ZW10: variants seen among roughly 807,000 people sequenced by gnomAD.
The protein encoded by ZW10 is centromere/kinetochore protein zw10 homolog.
ZW10 carries 53 observed loss-of-function variants against 87.8 expected under a neutral mutation model. That is an observed-to-expected ratio of 0.60 (90% confidence interval 0.48 to 0.76). The LOEUF (loss-of-function observed/expected upper bound fraction) is 0.76, where lower values mean the gene tolerates loss of function less well. Among genes scored for constraint, ZW10 ranks in the 30% least tolerant of loss-of-function variants. The pLI is 0.00. For missense variants in ZW10, 837 were observed against 923.0 expected (o/e 0.91, Z 1.21); for synonymous variants, 312 against 329.2 (o/e 0.95, Z 0.57).
chr11:113,748,188 G>A, intron 8 of ZW10, 69 bp downstream of exon 8: 1 of 1,420,692 alleles, frequency 7.0e-7, no homozygotes, highest in Non-Finnish European at 9.4e-7. Context: ...CTATCTCCAA[G>A]GAAAAACAAA....
At chr11:113,735,654 T>C (rs1317014126) in intron 15 of ZW10, among the ~76,000 whole-genome samples, 1 of 152,136 alleles carries the variant, frequency 6.6e-6, no homozygotes, top group Non-Finnish European at 1.5e-5. Flanking sequence ...ACCAATAATC[T>C]ACCAAGACAA....
At chr11:113,763,392 C>G (rs1396563581) in intron 2 of ZW10, among the ~76,000 whole-genome samples, 1 of 152,186 alleles carries the variant, frequency 6.6e-6, no homozygotes, top group African/African-American at 2.4e-5. Context: ...AGTAATGGGA[C>G]TGCTGGGTCA....
intron 10 of ZW10, 52 bp downstream of exon 10, chr11:113,743,750 G>C (rs1184192445): frequency 1.1e-5 from 15 of 1,320,280 alleles, no homozygotes; most frequent in African/African-American, 2.9e-5. Flanking sequence ...CATCTAGTTA[G>C]ATATGCATTT....
intron 15 of ZW10, 127 bp from the exon 16 acceptor site, chr11:113,733,941 TTTCCTC>T: frequency 1.7e-6 from 2 of 1,148,388 alleles, no homozygotes; most frequent in Non-Finnish European, 2.4e-6. Flanking sequence ...CCTGGGCATC[TTTCCTC>T]TTCTTTATAG....
In ZW10 at chr11:113,748,272, T is replaced by C. The variant is rs574474663; in HGVS notation, c.1074A>G (p.Leu358=). 3 of 1,612,544 alleles carry C rather than the reference T, an allele frequency of 1.9e-6. No homozygotes were observed. The African/African-American group carries it at 4.0e-5, about 22-fold the overall frequency. ...GGCTCTTTACCTCTTCATATTGCTG[T>C]AATTTGCTGCTATTTGTTGGAATCG... ...VYSIPTNSSK[L]QQYEEIIQST... The change falls in exon 8 of 16, where the codon TTA becomes TTG. Residue 358 remains leucine (L), a synonymous_variant. Transcript: ENST00000200135.
At chr11:113,734,918 G>A (rs1348781753) in intron 15 of ZW10, among the ~76,000 whole-genome samples, 1 of 152,092 alleles carries the variant, frequency 6.6e-6, no homozygotes, top group African/African-American at 2.4e-5. Context: ...TAAACTTTAT[G>A]TTATTTAGGA....
chr11:113,769,076 C>A, intron 1 of ZW10, 109 bp from the exon 2 acceptor site: 1 of 1,157,602 alleles, frequency 8.6e-7, no homozygotes. Context: ...ACCTTCTTGC[C>A]AATTGCCTAT....
intron 7 of ZW10, among the ~76,000 whole-genome samples, chr11:113,757,094 A>T (rs1953795780): frequency 6.6e-6 from 1 of 151,638 alleles, no homozygotes; most frequent in Admixed American, 6.6e-5. Flanking sequence ...ATAGAAGGTA[A>T]ATCAAATAGA....
intron 9 of ZW10, among the ~76,000 whole-genome samples, chr11:113,745,096 A>T (rs74887888): frequency 6.4e-5 from 5 of 77,962 alleles, no homozygotes; most frequent in Admixed American, 6.2e-4. Context: ...TCCCCTTATT[A>T]AAAAAAAAAA....
intron 9 of ZW10, among the ~76,000 whole-genome samples, chr11:113,746,494 T>TC (rs1953677339): frequency 6.0e-5 from 1 of 16,560 alleles, no homozygotes; most frequent in Non-Finnish European, 1.3e-4. Flanking sequence ...AACAAAACAG[T>TC]CAAAAAAAAA....
chr11:113,751,306 T>G (rs1953732205), intron 7 of ZW10: 1 of 224,064 alleles, frequency 4.5e-6, no homozygotes, highest in African/African-American at 2.3e-5. Context: ...AGAAGTGCGA[T>G]GAAATAAAAA....
intron 1 of ZW10, chr11:113,769,719 C>A: frequency 2.5e-6 from 1 of 404,514 alleles, no homozygotes; most frequent in Non-Finnish European, 4.8e-6. Flanking sequence ...CTTCAGAGGC[C>A]TATAGCCCAT....
intron 3 of ZW10, 26 bp from the exon 4 acceptor site, chr11:113,760,616 T>C (rs776207458): frequency 1.2e-5 from 19 of 1,550,822 alleles, no homozygotes; most frequent in East Asian, 6.7e-5. Context: ...TAATATTTTA[T>C]ACATCCTATT....
At chr11:113,737,309 G>A (rs1355135249) in intron 14 of ZW10, among the ~76,000 whole-genome samples, 5 of 152,094 alleles carry the variant, frequency 3.3e-5, no homozygotes, top group African/African-American at 9.6e-5. Context: ...ACTATACAAC[G>A]CATCTCAGGA....
chr11:113,744,008 C>T lies in ZW10; in HGVS notation c.1305G>A (p.Glu435=), dbSNP rs1431350198. The T allele has an allele frequency of 6.2e-7, 1 of 1,613,734 alleles. No individual in the cohort carries two copies. The highest frequency in any genetic ancestry group is 8.5e-7 in the Non-Finnish European group (1 of 1,179,678). ...TGTTATCCTCATCAGGAGTGGGTAA[C>T]TCTGGCACATTTATCTTAGAATCAG... ...IIPDSKINVP[E]LPTPDEDNKL... The change falls in exon 10 of 16, where the codon GAG becomes GAA. Residue 435 remains glutamate, a synonymous_variant. Transcript: ENST00000200135.
At chr11:113,758,814 A>C in intron 5 of ZW10, 108 bp from the exon 6 acceptor site, 6 of 1,026,106 alleles carry the variant, frequency 5.8e-6, no homozygotes, top group Non-Finnish European at 8.7e-6. Context: ...CTATTACAAT[A>C]TACTCCTAAT....
chr11:113,762,476 ATAAAT>A (rs1170017810), intron 2 of ZW10, among the ~76,000 whole-genome samples: 3 of 152,150 alleles, frequency 2.0e-5, no homozygotes, highest in Admixed American at 6.6e-5. Flanking sequence ...TTTCTTCATA[ATAAAT>A]TAACATTAGC....
chr11:113,733,714 C>T lies in ZW10; in HGVS notation c.2320G>A (p.Ala774Thr), dbSNP rs1456805205. The change falls in exon 16 of 16, where the codon GCC becomes ACC. Residue 774 changes from alanine to threonine, a missense_variant. By Grantham distance (58) the Ala-to-Thr change is moderately conservative. Coordinates refer to ENST00000200135, the MANE Select transcript of ZW10 (RefSeq NM_004724.4). ...LFQNTERRAA[A>T]LAKIK ...TGGAGCTATTTAATTTTAGCAAGGG[C>T]AGCTGCTCTTCTTTCTGTGTTCTGA... 1.9e-6 allele frequency: 3 copies of T among 1,613,962 alleles called. No homozygotes were observed. Among genetic ancestry groups the T allele is most frequent in the Admixed American group, 3.3e-5 (2 of 60,000 alleles).
chr11:113,750,004 G>A (rs776841133), intron 7 of ZW10, among the ~76,000 whole-genome samples: 2 of 152,110 alleles, frequency 1.3e-5, no homozygotes, highest in Middle Eastern at 3.2e-3. Context: ...TGCATAGAGC[G>A]CAAGTTATGG....
Sources: allele counts gnomAD v4.1 joint callset (sites outside exome capture counted in the v4.1 genomes callset), GRCh38; gene constraint gnomAD v4.1.1; transcripts MANE v1.5; gene names NCBI Gene and HGNC (gene_info 2026-07-23, HGNC 2026-07-21).